Variants in UHRF1 observed in about 807,000 individuals in gnomAD.
UHRF1 encodes ubiquitin like with PHD and ring finger domains 1, also known as E3 ubiquitin-protein ligase UHRF1.
UHRF1 carries 9 observed loss-of-function variants against 96.5 expected under a neutral mutation model. The observed-to-expected ratio is 0.09, with a 90% CI of 0.06 to 0.16. The LOEUF (loss-of-function observed/expected upper bound fraction) is 0.16. Ranked by LOEUF, UHRF1 falls within the 10% of genes least tolerant of loss-of-function variation. The probability of loss-of-function intolerance (pLI) is 1.00; values close to 1 mark genes in which losing one functional copy is unlikely to be tolerated. For synonymous variants in UHRF1, 455 were observed against 469.9 expected (o/e 0.97, Z 0.41); for missense variants, 626 against 1,131.1 (o/e 0.55, Z 6.40).
At chr19:4,912,823 G>T (rs1420441436) in intron 2 of UHRF1, among the ~76,000 whole-genome samples, 1 of 152,046 alleles carries the variant, frequency 6.6e-6, no homozygotes, top group African/African-American at 2.4e-5. Context: ...GCAGTGGCAC[G>T]ATCACAGCTC....
chr19:4,944,285 G>A (rs1953907612), intron 8 of UHRF1, 30 bp downstream of exon 8: 2 of 1,613,918 alleles, frequency 1.2e-6, no homozygotes, highest in African/African-American at 1.3e-5. Context: ...CGTGCCCGTG[G>A]CCCCTCCCCG....
chr19:4,938,982 T>TG (rs960498215), intron 5 of UHRF1, among the ~76,000 whole-genome samples: 20 of 151,678 alleles, frequency 1.3e-4, no homozygotes, highest in African/African-American at 4.8e-4. Context: ...GGCACGATCT[T>TG]GGTTCCCTGC....
intron 2 of UHRF1, among the ~76,000 whole-genome samples, chr19:4,913,556 C>G (rs981776209): frequency 6.6e-6 from 1 of 151,950 alleles, no homozygotes; most frequent in Non-Finnish European, 1.5e-5. Flanking sequence ...CACCCAGCCA[C>G]GTACATTGTG....
At chr19:4,947,428 T>C (rs1429012346) in intron 11 of UHRF1, among the ~76,000 whole-genome samples, 1 of 144,480 alleles carries the variant, frequency 6.9e-6, no homozygotes, top group Non-Finnish European at 1.5e-5. Context: ...GTGTGCCACA[T>C]ACCGTGAGCC....
chr19:4,907,169 G>A (rs894394078), upstream of UHRF1, among the ~76,000 whole-genome samples: 2 of 152,176 alleles, frequency 1.3e-5, no homozygotes, highest in East Asian at 3.8e-4. Flanking sequence ...GAGTACACTG[G>A]CTCGATCTTG....
At chr19:4,923,360 T>A (rs1042045138) in intron 2 of UHRF1, among the ~76,000 whole-genome samples, 1 of 151,784 alleles carries the variant, frequency 6.6e-6, no homozygotes, top group African/African-American at 2.4e-5. Flanking sequence ...GGCTGCCTGC[T>A]CTCCAGGCAG....
rs190310276 is a variant in UHRF1 at position 4,916,724 on chromosome 19, C to T, written c.153+5686C>T. 1.5e-4 allele frequency among the ~76,000 whole-genome samples: 23 copies of T among 152,370 alleles called. 1 individual carries two copies. Among genetic ancestry groups the T allele is most frequent in the Admixed American group, 1.4e-3 (21 of 15,302 alleles). On this transcript the variant is annotated intron_variant, in intron 2 of 16. Transcript: ENST00000650932. ...CGTTTTTCCTTCCTCCCTTCTCTCC[C>T]TCCGTCTGTCTTGCCCGCACCTGAG... is the stretch of plus-strand genomic sequence containing the variant.
intron 11 of UHRF1, among the ~76,000 whole-genome samples, chr19:4,949,954 C>T (rs2033672908): frequency 6.6e-6 from 1 of 151,876 alleles, no homozygotes; most frequent in South Asian, 2.1e-4. Flanking sequence ...ATTGTAGCCT[C>T]CACCTCCTTG....
At chr19:4,911,599 G>T (rs1165501312) in intron 2 of UHRF1, among the ~76,000 whole-genome samples, 2 of 152,178 alleles carry the variant, frequency 1.3e-5, no homozygotes, top group African/African-American at 4.8e-5. Flanking sequence ...CTGACCTGGG[G>T]CGTGTGGTCC....
chr19:4,933,640 C>G (rs1353291629), intron 5 of UHRF1, among the ~76,000 whole-genome samples: 4 of 152,194 alleles, frequency 2.6e-5, no homozygotes, highest in Admixed American at 2.6e-4. Flanking sequence ...TCACCCAGTT[C>G]CCCTTTTTGG....
At chr19:4,959,711 T>C (rs148842037) in intron 16 of UHRF1, among the ~76,000 whole-genome samples, 285 of 152,312 alleles carry the variant, frequency 1.9e-3, no homozygotes, top group Non-Finnish European at 3.2e-3. Context: ...GTTTATTTTT[T>C]ATTTTTTTCG....
chr19:4,908,267 G>A (rs1341812299), upstream of UHRF1, among the ~76,000 whole-genome samples: 1 of 152,038 alleles, frequency 6.6e-6, no homozygotes, highest in African/African-American at 2.4e-5. Flanking sequence ...TATCTTCGGG[G>A]GCCATGATCT....
chr19:4,906,898 C>T (rs2032075182), upstream of UHRF1, among the ~76,000 whole-genome samples: 1 of 152,210 alleles, frequency 6.6e-6, no homozygotes, highest in African/African-American at 2.4e-5. Context: ...TGGAAGAGCT[C>T]AAGCCGTCTC....
intron 4 of UHRF1, among the ~76,000 whole-genome samples, chr19:4,931,861 A>C (rs980642953): frequency 7.2e-5 from 11 of 152,114 alleles, no homozygotes; most frequent in Admixed American, 2.0e-4. Context: ...CCCGGGTTCA[A>C]ACGATTCTCC....
At chr19:4,946,574 G>A (rs1401463910) in intron 10 of UHRF1, among the ~76,000 whole-genome samples, 1 of 150,208 alleles carries the variant, frequency 6.7e-6, no homozygotes, top group Non-Finnish European at 1.5e-5. Flanking sequence ...TCCATGTTGA[G>A]TGTTGTTTTT....
At chr19:4,952,581 C>T (rs776204175) in intron 13 of UHRF1, among the ~76,000 whole-genome samples, 6 of 151,810 alleles carry the variant, frequency 4.0e-5, no homozygotes, top group African/African-American at 9.7e-5. Flanking sequence ...CTAGTAGAGA[C>T]GGGGTTTCGC....
In UHRF1 at chr19:4,911,044, C is replaced by T. The variant is rs1289304556; in HGVS notation, c.153+6C>T. The T allele has an allele frequency of 6.3e-7, 1 of 1,576,888 alleles. No individual in the cohort carries two copies. The highest frequency in any genetic ancestry group is 1.4e-5 in the African/African-American group (1 of 73,992). On this transcript the variant is annotated splice_donor_region_variant and intron_variant, in intron 2 of 16. Coordinates refer to ENST00000650932, the MANE Select transcript of UHRF1 (RefSeq NM_001048201.3). ...TGTTCTACAGGGGCAAACAGGTACA[C>T]CCGCCGCCAGCACCTTTGTTCTATG... is the stretch of plus-strand genomic sequence containing the variant.
chr19:4,907,839 A>C (rs2032099949), upstream of UHRF1, among the ~76,000 whole-genome samples: 1 of 149,630 alleles, frequency 6.7e-6, no homozygotes, highest in South Asian at 2.1e-4. Context: ...CAGCCTCCCG[A>C]GTAGCTGGGA....
At chr19:4,947,641 C>T (rs2033609414) in intron 11 of UHRF1, among the ~76,000 whole-genome samples, 1 of 151,942 alleles carries the variant, frequency 6.6e-6, no homozygotes, top group South Asian at 2.1e-4. Flanking sequence ...GCTGGGATTA[C>T]AGGTGCTTGC....
Sources: allele counts gnomAD v4.1 joint callset (sites outside exome capture counted in the v4.1 genomes callset), GRCh38; gene constraint gnomAD v4.1.1; transcripts MANE v1.5; gene names NCBI Gene and HGNC (gene_info 2026-07-23, HGNC 2026-07-21).